Variants in TENM2 observed in about 807,000 individuals in gnomAD.
TENM2 encodes the protein teneurin-2.
Under a neutral mutation model 245.2 loss-of-function variants are expected in TENM2, and 52 were observed. The ratio of observed to expected loss-of-function variants is 0.21; its 90% confidence interval spans 0.17 to 0.27. The LOEUF (loss-of-function observed/expected upper bound fraction) is 0.27, where lower values mean the gene tolerates loss of function less well. Ranked by LOEUF, TENM2 falls within the 10% of genes least tolerant of loss-of-function variation. The pLI, the probability that TENM2 is intolerant of heterozygous loss-of-function variation, is 1.00. For missense variants in TENM2, 3,046 were observed against 3,666.8 expected, an observed-to-expected ratio of 0.83 and a Z score of 4.37; for synonymous variants, 1,363 against 1,438.9, an observed-to-expected ratio of 0.95 and a Z score of 1.19.
At chr5:168,042,378 T>G (rs1243452799) in intron 5 of TENM2, among the ~76,000 whole-genome samples, 7 of 152,134 alleles carry the variant, frequency 4.6e-5, no homozygotes, top group Admixed American at 3.9e-4. Flanking sequence ...TTTGCCCTCT[T>G]TGACAAGCAG....
chr5:167,322,215 T>G (rs957086883), intron 1 of TENM2, among the ~76,000 whole-genome samples: 10 of 22,434 alleles, frequency 4.5e-4, no homozygotes, highest in African/African-American at 7.2e-4. Context: ...AAATATTTGT[T>G]TTTTTTTTTT....
chr5:167,573,531 CCTCTCT>C (rs3052025), intron 2 of TENM2, among the ~76,000 whole-genome samples: 2 of 149,832 alleles, frequency 1.3e-5, no homozygotes, highest in Admixed American at 1.3e-4. Context: ...CCCCTCTCCC[CCTCTCT>C]CTCTCTGCTT....
chr5:167,550,439 C>T (rs548325933), intron 2 of TENM2, among the ~76,000 whole-genome samples: 71 of 152,194 alleles, frequency 4.7e-4, no homozygotes, highest in African/African-American at 1.4e-3. Flanking sequence ...AAATCACTTT[C>T]GACTTTGGTT....
At chr5:167,633,112 T>C (rs1778979893) in intron 2 of TENM2, among the ~76,000 whole-genome samples, 1 of 152,160 alleles carries the variant, frequency 6.6e-6, no homozygotes, top group Non-Finnish European at 1.5e-5. Context: ...TATATCTATA[T>C]GGAGATGTCT....
chr5:167,303,714 T>G (rs1170809157), intron 1 of TENM2, among the ~76,000 whole-genome samples: 1 of 152,100 alleles, frequency 6.6e-6, no homozygotes, highest in Non-Finnish European at 1.5e-5. Flanking sequence ...TGAATATGTA[T>G]CGAGACTATG....
chr5:167,662,936 T>C (rs945952160), intron 2 of TENM2, among the ~76,000 whole-genome samples: 1 of 152,210 alleles, frequency 6.6e-6, no homozygotes, highest in Non-Finnish European at 1.5e-5. Flanking sequence ...AACAGTGAAC[T>C]TAACACAAGA....
chr5:167,837,407 G>A (rs181370380), intron 2 of TENM2, among the ~76,000 whole-genome samples: 10 of 152,034 alleles, frequency 6.6e-5, no homozygotes, highest in East Asian at 1.9e-4. Context: ...ATCAAAATAC[G>A]CTCTCTCATC....
At chr5:167,323,791 A>G (rs1309931707) in intron 1 of TENM2, among the ~76,000 whole-genome samples, 1 of 152,238 alleles carries the variant, frequency 6.6e-6, no homozygotes, top group African/African-American at 2.4e-5. Flanking sequence ...CATATAGTAC[A>G]GGAAAATGAT....
At chr5:168,026,722 C>T (rs76493231) in intron 5 of TENM2, among the ~76,000 whole-genome samples, 14 of 152,100 alleles carry the variant, frequency 9.2e-5, no homozygotes, top group Admixed American at 8.5e-4. Flanking sequence ...GCACTTATCT[C>T]ATAGGGGAGG....
chr5:167,436,336 C>T (rs570937724), intron 2 of TENM2, among the ~76,000 whole-genome samples: 1 of 152,200 alleles, frequency 6.6e-6, no homozygotes, highest in Admixed American at 6.5e-5. Context: ...TTCCCCCCAC[C>T]TCAGCCTCCC....
chr5:167,474,074 C>G (rs1253212465), intron 2 of TENM2, among the ~76,000 whole-genome samples: 2 of 152,074 alleles, frequency 1.3e-5, no homozygotes, highest in African/African-American at 2.4e-5. Flanking sequence ...AAAGCTATTT[C>G]AAGGAAACGC....
intron 2 of TENM2, among the ~76,000 whole-genome samples, chr5:167,575,820 ATT>A (rs900955479): frequency 6.6e-6 from 1 of 151,964 alleles, no homozygotes; most frequent in Admixed American, 6.6e-5. Context: ...ATCACATGTA[ATT>A]TTTTTTCAGC....
At chr5:167,481,934 A>G (rs528385621) in intron 2 of TENM2, among the ~76,000 whole-genome samples, 8 of 152,348 alleles carry the variant, frequency 5.3e-5, no homozygotes, top group South Asian at 4.1e-4. Flanking sequence ...CTTCGCCTGC[A>G]AAGTCTGAAA....
rs565022665 is a variant in TENM2 at position 168,067,388 on chromosome 5, C to G, written c.1515+5123C>G. On this transcript the variant is annotated intron_variant, in intron 7 of 28. Transcript: ENST00000518659. ...ACAGTTTAAGAGACCACAAATTGTC[C>G]CATGATCATACCAAATAAATGCAAA... 3.9e-5 allele frequency among the ~76,000 whole-genome samples: 6 copies of G among 152,176 alleles called. No individual in the cohort carries two copies. The South Asian group carries it at 6.2e-4, about 16-fold the overall frequency.
chr5:167,071,472 T>C, the TENM2 span, among the ~76,000 whole-genome samples: 3 of 152,144 alleles, frequency 2.0e-5, no homozygotes, highest in African/African-American at 7.2e-5. Context: ...AGTTGAAGAC[T>C]TGAAAAGTAA....
chr5:167,984,439 C>A (rs899356579), intron 4 of TENM2, among the ~76,000 whole-genome samples: 1 of 152,076 alleles, frequency 6.6e-6, no homozygotes, highest in Admixed American at 6.6e-5. Flanking sequence ...TGGTGGATCA[C>A]GAGGTCAGGA....
chr5:167,808,408 C>T (rs1403452265), intron 2 of TENM2, among the ~76,000 whole-genome samples: 1 of 152,132 alleles, frequency 6.6e-6, no homozygotes, highest in African/African-American at 2.4e-5. Context: ...TACAGGCATG[C>T]ACCACCACCT....
At chr5:167,983,316 A>G (rs1010273589) in intron 4 of TENM2, among the ~76,000 whole-genome samples, 2 of 152,226 alleles carry the variant, frequency 1.3e-5, no homozygotes, top group African/African-American at 2.4e-5. Flanking sequence ...TGGAGGAAAA[A>G]AAAAGTTTTA....
intron 2 of TENM2, among the ~76,000 whole-genome samples, chr5:167,756,896 G>A (rs184350533): frequency 2.0e-5 from 3 of 151,610 alleles, no homozygotes; most frequent in East Asian, 3.9e-4. Context: ...AGTTGCAGTT[G>A]GCCACTGGTT....
Sources: gnomAD v4.1 joint callset for allele counts (sites outside exome capture counted in the v4.1 genomes callset) on GRCh38, gnomAD v4.1.1 for gene constraint, MANE v1.5 for transcripts, NCBI Gene and HGNC (gene_info 2026-07-23, HGNC 2026-07-21) for gene names.